The following ARHGEF3 variants were observed in gnomAD, a reference collection of about 807,000 sequenced individuals.
ARHGEF3 encodes the protein 59.8 kDA protein.
Under a neutral mutation model 63.2 loss-of-function variants are expected in ARHGEF3, and 28 were observed. The ratio of observed to expected loss-of-function variants is 0.44; its 90% CI spans 0.33 to 0.61. ARHGEF3 has a LOEUF of 0.61. Ranked by LOEUF, ARHGEF3 falls within the 20% of genes least tolerant of loss-of-function variation. The pLI is 0.03. For missense variants in ARHGEF3, 533 were observed against 659.3 expected, an observed-to-expected ratio of 0.81 and a Z score of 2.10; for synonymous variants, 266 against 254.2, an observed-to-expected ratio of 1.05 and a Z score of -0.44.
At chr3:57,043,945 T>C (rs1364624327) in intron 1 of ARHGEF3, among the ~76,000 whole-genome samples, 1 of 152,250 alleles carries the variant, frequency 6.6e-6, no homozygotes, top group African/African-American at 2.4e-5. Flanking sequence ...TATGGGAGAT[T>C]GCTGGGGCAA....
intron 2 of ARHGEF3, 137 bp downstream of exon 2, chr3:56,773,572 C>A: frequency 1.4e-6 from 1 of 692,044 alleles, no homozygotes; most frequent in Non-Finnish European, 2.2e-6. Context: ...TCCAAGTCCC[C>A]TCACTTGCAC....
chr3:56,777,317 G>C (rs74700141), intron 1 of ARHGEF3, among the ~76,000 whole-genome samples: 1 of 152,136 alleles, frequency 6.6e-6, no homozygotes, highest in Admixed American at 6.5e-5. Context: ...AAGAAGCGAC[G>C]GGTGGGAAGA....
At chr3:56,765,454 C>G (rs1415918979) in intron 2 of ARHGEF3, among the ~76,000 whole-genome samples, 1 of 152,156 alleles carries the variant, frequency 6.6e-6, no homozygotes, top group African/African-American at 2.4e-5. Context: ...AAGCTCATCT[C>G]CATGTCAGCC....
intron 2 of ARHGEF3, among the ~76,000 whole-genome samples, chr3:57,028,607 G>A (rs1703579002): frequency 7.4e-6 from 1 of 134,706 alleles, no homozygotes; most frequent in African/African-American, 2.8e-5. Flanking sequence ...ACAAGTTAGT[G>A]GGTGCAGCGC....
chr3:57,054,866 A>G (rs551274017), intron 1 of ARHGEF3, among the ~76,000 whole-genome samples: 43 of 150,912 alleles, frequency 2.8e-4, no homozygotes, highest in South Asian at 4.2e-4. Flanking sequence ...GGCCAGTATG[A>G]TCTCAATCTC....
intron 3 of ARHGEF3, among the ~76,000 whole-genome samples, chr3:56,928,850 C>A (rs2042341322): frequency 6.6e-6 from 1 of 152,142 alleles, no homozygotes; most frequent in Non-Finnish European, 1.5e-5. Flanking sequence ...ACAGGCAGGG[C>A]CACATGGGTA....
Position 56,819,654 on chromosome 3 carries a change from G to A in ARHGEF3, c.193-45838C>T, listed in dbSNP as rs1033231380. Reference sequence around the variant, plus strand: ...AGCCTCCTGAGTAGCTGGGACTACAGGTGCACCACCATGCCTGGCTAATTT... The same window carrying A: ...AGCCTCCTGAGTAGCTGGGACTACAAGTGCACCACCATGCCTGGCTAATTT... On this transcript the variant is annotated intron_variant, in intron 4 of 12. Coordinates refer to the ARHGEF3 transcript ENST00000338458. Among the ~76,000 whole-genome samples the A allele has an allele frequency of 8.6e-5, 13 of 150,976 alleles. No individual in the cohort carries two copies. In the South Asian group the frequency reaches 1.1e-3, roughly 12 times the overall value.
chr3:56,746,935 A>G (rs2034421779), intron 6 of ARHGEF3, among the ~76,000 whole-genome samples: 1 of 152,184 alleles, frequency 6.6e-6, no homozygotes, highest in Admixed American at 6.5e-5. Flanking sequence ...CTTACATGTT[A>G]TTAAAAATCT....
rs148114264 is a variant in ARHGEF3, at chr3:57,024,076, A to C, written c.62+11012T>G. On this transcript the variant is annotated intron_variant, in intron 2 of 12. Transcript: ENST00000338458. ...TTGGGCACCCCAATGCACCCTTCATACTCCCTTGAGAAAACAGCAACACAC... is the reference window on the plus strand; with the variant it reads ...TTGGGCACCCCAATGCACCCTTCATCCTCCCTTGAGAAAACAGCAACACAC... Among the ~76,000 whole-genome samples, 307 of 151,864 alleles carry C rather than the reference A, an allele frequency of 2.0e-3. 1 individual carries two copies. The highest frequency in any genetic ancestry group is 7.1e-3 in the African/African-American group (295 of 41,382).
chr3:56,958,996 G>T, intron 2 of ARHGEF3: 1 of 1,205,328 alleles, frequency 8.3e-7, no homozygotes, highest in Non-Finnish European at 1.2e-6. Flanking sequence ...TCAAGAAATG[G>T]CCCAAACAAG....
rs965314374 is a variant in ARHGEF3 at position 56,941,504 on chromosome 3, G to A, written c.129+17319C>T. On this transcript the variant is annotated intron_variant, in intron 3 of 12. Transcript: ENST00000338458. ...ATTACAGGCATGAGCCATGATGCCCGGCCCACAGAACATGTTCAATGAAAC... is the reference window on the plus strand; with the variant it reads ...ATTACAGGCATGAGCCATGATGCCCAGCCCACAGAACATGTTCAATGAAAC... Among the ~76,000 whole-genome samples, 3 of 152,284 alleles carry A rather than the reference G, an allele frequency of 2.0e-5. No individual in the cohort carries two copies. In the East Asian group the frequency reaches 5.8e-4, roughly 29 times the overall value.
chr3:56,779,025 C>T (rs979051718), intron 1 of ARHGEF3, among the ~76,000 whole-genome samples: 2 of 152,072 alleles, frequency 1.3e-5, no homozygotes, highest in Admixed American at 6.6e-5. Context: ...TACCCAAGGA[C>T]AACACTCCCA....
chr3:57,016,881 T>G (rs1235787383), intron 2 of ARHGEF3, among the ~76,000 whole-genome samples: 1 of 152,028 alleles, frequency 6.6e-6, no homozygotes, highest in African/African-American at 2.4e-5. Context: ...AAAATGACCT[T>G]GCCCATCAGC....
chr3:56,843,155 T>A (rs570583529), intron 4 of ARHGEF3, among the ~76,000 whole-genome samples: 8 of 152,356 alleles, frequency 5.3e-5, no homozygotes, highest in African/African-American at 1.7e-4. Flanking sequence ...CCTTTCAGAC[T>A]GCTTTCTATG....
chr3:56,885,674 T>C (rs182268204), intron 3 of ARHGEF3, among the ~76,000 whole-genome samples: 5 of 152,136 alleles, frequency 3.3e-5, no homozygotes, highest in Non-Finnish European at 5.9e-5. Flanking sequence ...TCCTGCCAGA[T>C]ACTGCCACCT....
At chr3:56,748,185 C>A (rs2034505967) in intron 6 of ARHGEF3, among the ~76,000 whole-genome samples, 1 of 152,188 alleles carries the variant, frequency 6.6e-6, no homozygotes, top group Non-Finnish European at 1.5e-5. Context: ...CAGGCATGCA[C>A]CACCATGCCA....
At chr3:56,971,035 G>A (rs995678745) in intron 2 of ARHGEF3, among the ~76,000 whole-genome samples, 2 of 152,162 alleles carry the variant, frequency 1.3e-5, no homozygotes, top group African/African-American at 4.8e-5. Flanking sequence ...CTCTTCCAGG[G>A]AACCAGCTCT....
At chr3:57,034,200 TG>T (rs1168452468) in intron 2 of ARHGEF3, among the ~76,000 whole-genome samples, 14 of 151,554 alleles carry the variant, frequency 9.2e-5, no homozygotes, top group African/African-American at 3.2e-4. Flanking sequence ...CAAGTGCAAT[TG>T]TAGTGCACTT....
intron 4 of ARHGEF3, among the ~76,000 whole-genome samples, chr3:56,850,350 G>T (rs2039634361): frequency 6.6e-6 from 1 of 152,216 alleles, no homozygotes; most frequent in Non-Finnish European, 1.5e-5. Flanking sequence ...CCAACATGGT[G>T]AAACCTTGTC....
Sources: gnomAD v4.1 joint callset for allele counts (sites outside exome capture counted in the v4.1 genomes callset) on GRCh38, gnomAD v4.1.1 for gene constraint, MANE v1.5 for transcripts, NCBI Gene and HGNC (gene_info 2026-07-23, HGNC 2026-07-21) for gene names.